Variants in EVL observed in about 807,000 individuals in gnomAD.
The protein encoded by EVL is Enah/Vasp-like.
Under a neutral mutation model 59.6 loss-of-function variants are expected in EVL, and 21 were observed. The observed-to-expected ratio is 0.35, with a 90% CI of 0.25 to 0.51. EVL has a LOEUF of 0.51. Ranked by LOEUF, EVL falls within the 20% of genes least tolerant of loss-of-function variation. The pLI, the probability that EVL is intolerant of heterozygous loss-of-function variation, is 0.97. For synonymous variants in EVL, 198 were observed against 203.5 expected (o/e 0.97, Z 0.23); for missense variants, 462 against 546.6 (o/e 0.85, Z 1.54).
intron 3 of EVL, among the ~76,000 whole-genome samples, chr14:100,115,972 G>A (rs1192631902): frequency 1.3e-5 from 2 of 152,220 alleles, no homozygotes; most frequent in African/African-American, 4.8e-5. Context: ...GCACTGGGGT[G>A]GACAGAGCCC....
chr14:100,002,987 T>A (rs1191790524), intron 1 of EVL, among the ~76,000 whole-genome samples: 2 of 152,232 alleles, frequency 1.3e-5, no homozygotes, highest in African/African-American at 4.8e-5. Context: ...TTATAGCCTT[T>A]ATTAAGGAGT....
chr14:100,106,869 C>T (rs1423200689), intron 3 of EVL: 2 of 398,544 alleles, frequency 5.0e-6, no homozygotes, highest in East Asian at 3.6e-5. Context: ...GTACTTGGCC[C>T]AAACCACTTC....
intron 2 of EVL, among the ~76,000 whole-genome samples, chr14:100,086,659 A>G (rs2062450009): frequency 6.6e-6 from 1 of 152,226 alleles, no homozygotes; most frequent in Admixed American, 6.5e-5. Context: ...ACATGTTGAG[A>G]AAGAGACCTT....
chr14:99,971,743 C>A (rs1193124855), exon 1 of EVL: 1 of 144,232 alleles, frequency 6.9e-6, no homozygotes, highest in Non-Finnish European at 1.5e-5. Context: ...CGCCCCCCGC[C>A]CCCCCATCCC....
At chr14:100,118,075 G>T (rs1356309030) in intron 3 of EVL, among the ~76,000 whole-genome samples, 3 of 152,194 alleles carry the variant, frequency 2.0e-5, no homozygotes, top group African/African-American at 7.2e-5. Context: ...TGTTGGCCAC[G>T]CTCTTCCTCC....
chr14:100,016,996 A>C (rs2061056191), intron 1 of EVL, among the ~76,000 whole-genome samples: 1 of 152,180 alleles, frequency 6.6e-6, no homozygotes, highest in Non-Finnish European at 1.5e-5. Flanking sequence ...CCTCTTCTGG[A>C]GGCAGCCTGA....
At chr14:100,141,679 G>A in intron 12 of EVL, 57 bp from the exon 13 acceptor site, 2 of 1,578,434 alleles carry the variant, frequency 1.3e-6, no homozygotes, top group Non-Finnish European at 1.7e-6. Context: ...CCCAGCCCAG[G>A]CCGGCTTTTC....
chr14:100,062,445 A>G (rs1445324440), upstream of EVL, among the ~76,000 whole-genome samples: 1 of 152,054 alleles, frequency 6.6e-6, no homozygotes, highest in Non-Finnish European at 1.5e-5. Flanking sequence ...AAAAAGAGGT[A>G]TAGCTAAAAA....
intron 1 of EVL, among the ~76,000 whole-genome samples, chr14:100,069,319 C>G (rs141187095): frequency 2.0e-5 from 3 of 152,332 alleles, no homozygotes; most frequent in African/African-American, 7.2e-5. Flanking sequence ...TGCTTGGGCA[C>G]AGTCATTACT....
chr14:100,010,394 T>G (rs190865976), intron 1 of EVL, among the ~76,000 whole-genome samples: 1 of 152,172 alleles, frequency 6.6e-6, no homozygotes, highest in African/African-American at 2.4e-5. Context: ...TGCTAGTTAG[T>G]GTGGGTTGGT....
chr14:100,068,581 G>A (rs1595125398), intron 1 of EVL, among the ~76,000 whole-genome samples: 1 of 152,232 alleles, frequency 6.6e-6, no homozygotes, highest in African/African-American at 2.4e-5. Flanking sequence ...TAAGAGGTGA[G>A]GGTGGTTTGG....
At chr14:100,052,500 C>G (rs1000930850) in intron 1 of EVL, among the ~76,000 whole-genome samples, 1 of 152,034 alleles carries the variant, frequency 6.6e-6, no homozygotes, top group Admixed American at 6.5e-5. Context: ...GCCTGTAATC[C>G]CAGTACTTTG....
At chr14:100,038,424 G>A (rs1265549346) in intron 1 of EVL, among the ~76,000 whole-genome samples, 1 of 152,132 alleles carries the variant, frequency 6.6e-6, no homozygotes, top group Non-Finnish European at 1.5e-5. Flanking sequence ...GATGGACTCA[G>A]ATGGCGGACA....
chr14:100,042,510 C>T (rs1395006013), intron 1 of EVL, among the ~76,000 whole-genome samples: 2 of 152,156 alleles, frequency 1.3e-5, no homozygotes, highest in East Asian at 1.9e-4. Flanking sequence ...ACAGTGGAGA[C>T]GCTGCCTCCT....
intron 1 of EVL, among the ~76,000 whole-genome samples, chr14:100,000,750 A>G (rs951872798): frequency 2.6e-5 from 4 of 152,204 alleles, no homozygotes; most frequent in Non-Finnish European, 5.9e-5. Flanking sequence ...TACCCTAAGC[A>G]GTTCCCAGTT....
intron 1 of EVL, among the ~76,000 whole-genome samples, chr14:99,975,959 T>C (rs1201997051): frequency 6.6e-6 from 1 of 152,198 alleles, no homozygotes; most frequent in Admixed American, 6.5e-5. Flanking sequence ...CTCTGCTGTA[T>C]ATAATCTGCT....
At chr14:100,018,969 C>T (rs879811974) in intron 1 of EVL, among the ~76,000 whole-genome samples, 4 of 151,992 alleles carry the variant, frequency 2.6e-5, no homozygotes, top group Non-Finnish European at 5.9e-5. Context: ...ACTATATACT[C>T]GATAAATGAA....
intron 1 of EVL, among the ~76,000 whole-genome samples, chr14:100,073,529 AG>A (rs2062095055): frequency 6.6e-6 from 1 of 152,088 alleles, no homozygotes; most frequent in Non-Finnish European, 1.5e-5. Flanking sequence ...TGTGTTGCCC[AG>A]GCTGGTCTCG....
chr14:100,126,653 G>A (rs369045038), intron 4 of EVL, 54 bp from the exon 5 acceptor site: 1 of 1,595,528 alleles, frequency 6.3e-7, no homozygotes, highest in Non-Finnish European at 8.6e-7. Context: ...GGCACAGAGT[G>A]TGGTGGTCTC....
Sources: allele counts gnomAD v4.1 joint callset (sites outside exome capture counted in the v4.1 genomes callset), GRCh38; gene constraint gnomAD v4.1.1; transcripts MANE v1.5; gene names NCBI Gene and HGNC (gene_info 2026-07-23, HGNC 2026-07-21).